Variants in COLGALT2 observed in about 807,000 individuals in gnomAD.
COLGALT2 encodes the protein procollagen galactosyltransferase 2.
COLGALT2 carries 49 observed loss-of-function variants against 73.4 expected under a neutral mutation model. The ratio of observed to expected loss-of-function variants is 0.67; its 90% CI spans 0.53 to 0.85. The LOEUF is 0.85. Among genes scored for constraint, COLGALT2 ranks in the 40% least tolerant of loss-of-function variants. The probability of loss-of-function intolerance (pLI) is 0.00; values close to 1 mark genes in which losing one functional copy is unlikely to be tolerated. For synonymous variants in COLGALT2, 295 were observed against 307.6 expected (o/e 0.96, Z 0.43); for missense variants, 722 against 790.2 (o/e 0.91, Z 1.03).
Position 183,938,799 on chromosome 1 carries a change from T to A in COLGALT2, c.1843A>T (p.Thr615Ser), listed in dbSNP as rs201706556. The A allele has an allele frequency of 6.2e-7, 1 of 1,613,940 alleles. No homozygotes were observed. Among genetic ancestry groups the A allele is most frequent in the Non-Finnish European group, 8.5e-7 (1 of 1,179,996 alleles). ...CTTGAAGGCACAGTGTCCAGGGAGGTTGGCGGTGGCAGGGCCTCTGTGTTC... is the reference window on the plus strand; with the variant it reads ...CTTGAAGGCACAGTGTCCAGGGAGGATGGCGGTGGCAGGGCCTCTGTGTTC... ...AKNTEALPPP[T>S]SLDTVPSRDE... The change falls in exon 12 of 12, where the codon ACC (threonine) becomes TCC (serine). Residue 615 changes from threonine (T) to serine (S), a missense_variant. Thr to Ser is a moderately conservative substitution (Grantham distance 58). Transcript: ENST00000361927.
intron 1 of COLGALT2, among the ~76,000 whole-genome samples, chr1:184,007,353 C>G (rs1210428457): frequency 6.6e-6 from 1 of 152,132 alleles, no homozygotes; most frequent in East Asian, 1.9e-4. Context: ...GTCTCAACAA[C>G]TCTAAAAGAG....
At chr1:184,016,641 C>T (rs1289030444) in intron 1 of COLGALT2, among the ~76,000 whole-genome samples, 1 of 151,838 alleles carries the variant, frequency 6.6e-6, no homozygotes, top group East Asian at 1.9e-4. Flanking sequence ...CTGGGGGAGC[C>T]CATTTTAAGA....
At chr1:184,006,581 T>A (rs553173894) in intron 1 of COLGALT2, among the ~76,000 whole-genome samples, 2 of 146,496 alleles carry the variant, frequency 1.4e-5, no homozygotes, top group African/African-American at 5.1e-5. Flanking sequence ...CGAAACTCCA[T>A]CTCAAAAAAC....
At chr1:183,950,807 C>T (rs774886304) in intron 8 of COLGALT2, among the ~76,000 whole-genome samples, 200 bp downstream of exon 8, 8 of 152,164 alleles carry the variant, frequency 5.3e-5, no homozygotes, top group Non-Finnish European at 8.8e-5. Flanking sequence ...AGACCAAAGA[C>T]CACTGGCTGG....
intron 6 of COLGALT2, among the ~76,000 whole-genome samples, chr1:183,956,534 A>T (rs1292754038): frequency 1.3e-5 from 2 of 152,142 alleles, no homozygotes; most frequent in Non-Finnish European, 2.9e-5. Context: ...CCTGTTCATG[A>T]TATTGTCTGA....
chr1:183,935,221 G>T (rs1669924333), downstream of COLGALT2, among the ~76,000 whole-genome samples: 1 of 152,096 alleles, frequency 6.6e-6, no homozygotes, highest in Admixed American at 6.5e-5. Context: ...TGCCCATTTT[G>T]TTCATCTCTG....
At chr1:183,956,399 G>A (rs985328443) in intron 6 of COLGALT2, among the ~76,000 whole-genome samples, 9 of 152,138 alleles carry the variant, frequency 5.9e-5, no homozygotes, top group Non-Finnish European at 1.0e-4. Context: ...AATAGCAGCC[G>A]AGAATATTCT....
At chr1:183,965,960 A>G (rs1670858714) in intron 5 of COLGALT2, among the ~76,000 whole-genome samples, 1 of 152,224 alleles carries the variant, frequency 6.6e-6, no homozygotes, top group Non-Finnish European at 1.5e-5. Context: ...AAAAAGAGCT[A>G]ACTCCTCACA....
At position 184,037,079 on chromosome 1, in the gene COLGALT2, G is replaced by A. The variant is rs1283805550; in HGVS notation, c.263+16C>T. Reference sequence around the variant, plus strand: ...CCGCGTCCCGCCGCGGCGGCCCGGGGCCCGTGCGCGCTCACCAGATGGCCA... The same window carrying A: ...CCGCGTCCCGCCGCGGCGGCCCGGGACCCGTGCGCGCTCACCAGATGGCCA... On this transcript the variant is annotated intron_variant, in intron 1 of 11. Coordinates refer to ENST00000361927, the MANE Select transcript of COLGALT2 (RefSeq NM_015101.4). 4.5e-6 allele frequency: 7 copies of A among 1,542,188 alleles called. No homozygotes were observed. Among genetic ancestry groups the A allele is most frequent in the African/African-American group, 1.4e-5 (1 of 70,046 alleles).
intron 1 of COLGALT2, among the ~76,000 whole-genome samples, chr1:184,020,475 C>T (rs1453266317): frequency 3.3e-5 from 5 of 152,160 alleles, no homozygotes; most frequent in African/African-American, 1.2e-4. Context: ...AAGACTCAGC[C>T]ATACAAACCT....
intron 4 of COLGALT2, among the ~76,000 whole-genome samples, chr1:183,971,303 T>C (rs986002813): frequency 6.6e-6 from 1 of 152,174 alleles, no homozygotes; most frequent in Non-Finnish European, 1.5e-5. Flanking sequence ...CTAACTGGGA[T>C]GGTAGAAAGC....
At chr1:183,933,597 G>A (rs758048552), downstream of COLGALT2, among the ~76,000 whole-genome samples, 3 of 152,018 alleles carry the variant, frequency 2.0e-5, no homozygotes, top group East Asian at 1.9e-4. Flanking sequence ...AGAAACTGTC[G>A]CTGATTAATT....
Position 183,936,277 on chromosome 1 carries a change from T to C in COLGALT2, c.*2484A>G, listed in dbSNP as rs1200012885. The C allele has an allele frequency of 1.0e-6, 1 of 985,472 alleles. No homozygotes were observed. Among genetic ancestry groups the C allele is most frequent in the Non-Finnish European group, 1.2e-6 (1 of 829,926 alleles). 61.0% of individuals were successfully genotyped at this position (985,472 alleles called of 1,614,324 possible). A position where few individuals can be genotyped will look rare whatever the true frequency, so the allele number is the denominator to read the frequency against. ...GGGAGAGATAGGACAAATAATGAGG[T>C]CAAGGAACCTCTGGATTGCTGAAGA... On this transcript the variant is annotated 3_prime_UTR_variant, in exon 12 of 12. Transcript: ENST00000361927.
chr1:184,037,385 A>G lies in COLGALT2; in HGVS notation c.-28T>C, dbSNP rs2102867448. 2.2e-6 allele frequency: 3 copies of G among 1,356,622 alleles called. No individual in the cohort carries two copies. Among genetic ancestry groups the G allele is most frequent in the Non-Finnish European group, 2.8e-6 (3 of 1,056,324 alleles). The allele number at this position is 1,356,622 out of a possible 1,614,324, so 84.0% of individuals were successfully genotyped here. A position where few individuals can be genotyped will look rare whatever the true frequency, so the allele number is the denominator to read the frequency against. ...TCCGGGCCGAGGCGGGCGGCGGGGAAGTCCTGGCGCGAGCGCCCGGCTGGG... is the reference window on the plus strand; with the variant it reads ...TCCGGGCCGAGGCGGGCGGCGGGGAGGTCCTGGCGCGAGCGCCCGGCTGGG... On this transcript the variant is annotated 5_prime_UTR_variant, in exon 1 of 12. Coordinates refer to ENST00000361927, the MANE Select transcript of COLGALT2 (RefSeq NM_015101.4).
chr1:184,023,636 C>T (rs1434879522), intron 1 of COLGALT2, among the ~76,000 whole-genome samples: 2 of 47,108 alleles, frequency 4.2e-5, no homozygotes, highest in South Asian at 6.8e-4. Flanking sequence ...TCCAAAAGTG[C>T]GTGAGGTGGG....
chr1:184,024,771 A>G (rs576791715), intron 1 of COLGALT2, among the ~76,000 whole-genome samples: 2 of 151,418 alleles, frequency 1.3e-5, no homozygotes, highest in Admixed American at 6.6e-5. Context: ...GGATGATTGG[A>G]CCAAGCTGAC....
chr1:183,964,221 A>G, intron 5 of COLGALT2: 1 of 473,234 alleles, frequency 2.1e-6, no homozygotes, highest in Non-Finnish European at 3.7e-6. Flanking sequence ...TAATAAAAAC[A>G]CTCGGCTATT....
intron 1 of COLGALT2, among the ~76,000 whole-genome samples, chr1:183,990,737 G>A (rs1410516414): frequency 6.6e-6 from 1 of 152,260 alleles, no homozygotes; most frequent in East Asian, 1.9e-4. Flanking sequence ...AGTCTGATGT[G>A]TTTGTGGAAC....
intron 1 of COLGALT2, among the ~76,000 whole-genome samples, chr1:184,034,592 T>TA (rs1649614468): frequency 6.6e-6 from 1 of 152,186 alleles, no homozygotes; most frequent in African/African-American, 2.4e-5. Flanking sequence ...GGTTCTTATT[T>TA]TAAAAAATGC....
Sources: allele counts gnomAD v4.1 joint callset (sites outside exome capture counted in the v4.1 genomes callset), GRCh38; gene constraint gnomAD v4.1.1; transcripts MANE v1.5; gene names NCBI Gene and HGNC (gene_info 2026-07-23, HGNC 2026-07-21).